MARVELD3: variants seen among roughly 807,000 people sequenced by gnomAD.
MARVELD3 encodes the protein MARVEL domain-containing protein 3.
A neutral mutation model predicts 33.5 loss-of-function variants in MARVELD3; 28 were observed. The observed-to-expected ratio is 0.84, with a 90% CI of 0.62 to 1.15. The LOEUF (loss-of-function observed/expected upper bound fraction) is 1.15. Ranked by LOEUF, MARVELD3 falls within the 50% of genes most tolerant of loss-of-function variation. MARVELD3 has a pLI of 0.00. For missense variants in MARVELD3, 582 were observed against 547.6 expected, an observed-to-expected ratio of 1.06 and a Z score of -0.63; for synonymous variants, 241 against 230.4, an observed-to-expected ratio of 1.05 and a Z score of -0.42.
chr16:71,641,134 A>G (rs1161756053), downstream of MARVELD3: 17 of 1,365,894 alleles, frequency 1.2e-5, no homozygotes, highest in East Asian at 2.4e-5. Context: ...GACTTTATAA[A>G]TGCTCTCTTT....
chr16:71,626,952 G>A lies in MARVELD3; in HGVS notation c.467+256G>A. 2.4e-6 allele frequency: 1 copy of A among 416,494 alleles called. No homozygotes were observed. The highest frequency in any genetic ancestry group is 4.2e-6 in the Non-Finnish European group (1 of 239,790). The allele number at this position is 416,494 out of a possible 1,614,324, so 25.8% of individuals were successfully genotyped here. A position where few individuals can be genotyped will look rare whatever the true frequency, so the allele number is the denominator to read the frequency against. On this transcript the variant is annotated intron_variant, in intron 1 of 2. Transcript: ENST00000268485. This position sits in a 1 kb window ranked among gnomAD's most constrained non-coding sequence, Gnocchi z 5.3. Reference sequence around the variant, plus strand: ...CAGTGGCTGGGCTGGAGGACCTGGAGAAGAGAAAGAGAGGCCCCGGGACCC... The same window carrying A: ...CAGTGGCTGGGCTGGAGGACCTGGAAAAGAGAAAGAGAGGCCCCGGGACCC...
downstream of MARVELD3, chr16:71,641,012 G>A (rs1454391555): frequency 6.2e-7 from 1 of 1,602,692 alleles, no homozygotes; most frequent in Admixed American, 1.7e-5. Flanking sequence ...AATATCTGTG[G>A]TCTGGAACTC....
downstream of MARVELD3, chr16:71,640,783 G>C: frequency 6.2e-7 from 1 of 1,614,234 alleles, no homozygotes; most frequent in Non-Finnish European, 8.5e-7. Context: ...CAGATCAATA[G>C]CACCGACACT....
In MARVELD3 at chr16:71,635,684, A is replaced by G; in HGVS notation, c.*881A>G. The stretch of plus-strand genomic sequence containing the variant: ...ACACTTCAGCCTGAATTTTTCTAAA[A>G]CACAGTTGTCTCAAGCAGATTACTC... On this transcript the variant is annotated 3_prime_UTR_variant, in exon 3 of 3. Coordinates refer to ENST00000268485, the MANE Select transcript of MARVELD3 (RefSeq NM_052858.6). The G allele has an allele frequency of 1.0e-6, 1 of 985,196 alleles. No individual in the cohort carries two copies. The highest frequency in any genetic ancestry group is 1.2e-6 in the Non-Finnish European group (1 of 829,906). 61.0% of individuals were successfully genotyped at this position (985,196 alleles called of 1,614,324 possible).
At chr16:71,639,674 T>A (rs2044603980), downstream of MARVELD3, among the ~76,000 whole-genome samples, 1 of 151,426 alleles carries the variant, frequency 6.6e-6, no homozygotes, top group African/African-American at 2.4e-5. Flanking sequence ...CTCCAACTCC[T>A]GACCTCAAGT....
chr16:71,627,333 T>G (rs2044484170), intron 1 of MARVELD3, among the ~76,000 whole-genome samples: 1 of 152,088 alleles, frequency 6.6e-6, no homozygotes, highest in African/African-American at 2.4e-5. Flanking sequence ...TGAAACCCCG[T>G]CTTTACTAAA....
At chr16:71,631,653 G>A (rs2044535191) in intron 2 of MARVELD3, among the ~76,000 whole-genome samples, 1 of 151,940 alleles carries the variant, frequency 6.6e-6, no homozygotes, top group Non-Finnish European at 1.5e-5. Flanking sequence ...TTACCATGTT[G>A]GCCAGGCCGG....
In MARVELD3 at chr16:71,635,665, C is replaced by T. The variant is rs1045749599; in HGVS notation, c.*862C>T. On this transcript the variant is annotated 3_prime_UTR_variant, in exon 3 of 3. Transcript: ENST00000268485. ...GCCACATAGACATGAGACCACACTT[C>T]AGCCTGAATTTTTCTAAAACACAGT... 1.3e-5 allele frequency: 13 copies of T among 985,118 alleles called. No individual in the cohort carries two copies. The highest frequency in any genetic ancestry group is 1.4e-5 in the Non-Finnish European group (12 of 829,924). The allele number at this position is 985,118 out of a possible 1,614,324, so 61.0% of individuals were successfully genotyped here. A position where few individuals can be genotyped will look rare whatever the true frequency, so the allele number is the denominator to read the frequency against.
chr16:71,627,633 T>A (rs12444484), intron 1 of MARVELD3, among the ~76,000 whole-genome samples: 51,392 of 152,010 alleles, frequency 0.34, 9,524 homozygotes, highest in East Asian at 0.74. Flanking sequence ...CTAGGCAGCG[T>A]CATTCGAATC....
chr16:71,640,823 C>A (rs1193215577), downstream of MARVELD3: 1 of 1,614,234 alleles, frequency 6.2e-7, no homozygotes, highest in East Asian at 2.2e-5. Flanking sequence ...TCTATGCCCG[C>A]AAGGGTCTCA....
downstream of MARVELD3, among the ~76,000 whole-genome samples, chr16:71,637,501 AT>A (rs2044589291): frequency 6.6e-6 from 1 of 152,182 alleles, no homozygotes; most frequent in Non-Finnish European, 1.5e-5. Context: ...TGCCGGAGTG[AT>A]GAGTGGGCAG....
chr16:71,640,811 G>A, downstream of MARVELD3: 3 of 1,614,238 alleles, frequency 1.9e-6, no homozygotes, highest in Non-Finnish European at 1.7e-6. Flanking sequence ...CAAGAGAGAG[G>A]CTCTATGCCC....
chr16:71,626,813 T>C lies in MARVELD3; in HGVS notation c.467+117T>C, dbSNP rs761505216. On this transcript the variant is annotated intron_variant, in intron 1 of 2. Transcript: ENST00000268485. The surrounding 1 kb of genome is among the most constrained non-coding windows in gnomAD (Gnocchi z 5.3). The stretch of plus-strand genomic sequence containing the variant: ...CTAGGAGCCCGTTTAAATGAACAAA[T>C]GCCGTTTCTCCCTTCTGCGCTCTCA... 19 of 889,106 alleles carry C rather than the reference T, an allele frequency of 2.1e-5. No homozygotes were observed. The highest frequency in any genetic ancestry group is 1.2e-4 in the Admixed American group (3 of 25,270). 55.1% of individuals were successfully genotyped at this position (889,106 alleles called of 1,614,324 possible).
Position 71,635,930 on chromosome 16 carries a change from G to A in MARVELD3, c.*1127G>A. ...GCTCAATAAGTGTTTTGTACCTCTT[G>A]TAAATGTGCCATTGTGTGAAGCATT... On this transcript the variant is annotated 3_prime_UTR_variant, in exon 3 of 3. Coordinates refer to ENST00000268485, the MANE Select transcript of MARVELD3 (RefSeq NM_052858.6). The A allele has an allele frequency of 1.0e-6, 1 of 985,442 alleles. No individual in the cohort carries two copies. The highest frequency in any genetic ancestry group is 1.2e-6 in the Non-Finnish European group (1 of 829,944). The allele number at this position is 985,442 out of a possible 1,614,324, so 61.0% of individuals were successfully genotyped here.
At chr16:71,641,183 T>G, downstream of MARVELD3, 1 of 930,986 alleles carries the variant, frequency 1.1e-6, no homozygotes, top group South Asian at 1.8e-5. Context: ...ACGGGCATGG[T>G]GGCTCATGCC....
chr16:71,630,415 C>T (rs1020495968), intron 2 of MARVELD3, among the ~76,000 whole-genome samples: 5 of 152,188 alleles, frequency 3.3e-5, no homozygotes, highest in Admixed American at 6.5e-5. Context: ...CACCTGAGGT[C>T]GGGAGTTCAA....
chr16:71,638,619 CTT>C (rs1411072866), downstream of MARVELD3: 1 of 152,118 alleles, frequency 6.6e-6, no homozygotes, highest in African/African-American at 2.4e-5. Flanking sequence ...TTTTTAGAAA[CTT>C]TTCGTTTTGA....
chr16:71,630,489 T>C (rs1036327050), intron 2 of MARVELD3, among the ~76,000 whole-genome samples: 2 of 151,402 alleles, frequency 1.3e-5, no homozygotes, highest in Non-Finnish European at 2.9e-5. Context: ...GCCGGGGTGG[T>C]GGCTCATGCC....
At chr16:71,640,898 G>C, downstream of MARVELD3, 2 of 1,614,176 alleles carry the variant, frequency 1.2e-6, no homozygotes, top group Non-Finnish European at 1.7e-6. Flanking sequence ...GTCTTCTCGT[G>C]ATCATGTACG....
Sources: allele counts gnomAD v4.1 joint callset (sites outside exome capture counted in the v4.1 genomes callset), GRCh38; gene constraint gnomAD v4.1.1; non-coding constraint Gnocchi (gnomAD v3.1); transcripts MANE v1.5; gene names NCBI Gene and HGNC (gene_info 2026-07-23, HGNC 2026-07-21).